MAD1L1: variants seen among roughly 807,000 people sequenced by gnomAD.
MAD1L1 encodes mitotic spindle assembly checkpoint protein MAD1.
A neutral mutation model predicts 96.9 loss-of-function variants in MAD1L1; 95 were observed. The ratio of observed to expected loss-of-function variants is 0.98; its 90% CI spans 0.83 to 1.16. The LOEUF (loss-of-function observed/expected upper bound fraction) is 1.16, where lower values mean the gene tolerates loss of function less well. Ranked by LOEUF, MAD1L1 falls within the 50% of genes most tolerant of loss-of-function variation. The pLI is 0.00. For synonymous variants in MAD1L1, 473 were observed against 396.6 expected (o/e 1.19, Z -2.29); for missense variants, 1,007 against 954.4 (o/e 1.06, Z -0.73).
At chr7:2,174,053 C>T (rs1790836333) in intron 10 of MAD1L1, among the ~76,000 whole-genome samples, 2 of 152,196 alleles carry the variant, frequency 1.3e-5, no homozygotes, top group Non-Finnish European at 1.5e-5. Context: ...CTCCTGCGCT[C>T]AAGTGATCCT....
chr7:2,076,609 G>C (rs997474855), intron 11 of MAD1L1, among the ~76,000 whole-genome samples: 14 of 152,216 alleles, frequency 9.2e-5, no homozygotes, highest in Non-Finnish European at 8.8e-5. Context: ...CTTCCGGGCT[G>C]ATGACTGCCC....
At chr7:2,117,356 CACAA>C (rs1355836242) in intron 11 of MAD1L1, among the ~76,000 whole-genome samples, 1 of 152,216 alleles carries the variant, frequency 6.6e-6, no homozygotes, top group Non-Finnish European at 1.5e-5. Flanking sequence ...GGGAGAAACC[CACAA>C]ACAGAGGCCA....
chr7:1,821,397 C>T (rs1782118728), intron 18 of MAD1L1, among the ~76,000 whole-genome samples: 1 of 152,112 alleles, frequency 6.6e-6, no homozygotes. Context: ...ACCAATTTTA[C>T]ACAATCCTTT....
intron 18 of MAD1L1, among the ~76,000 whole-genome samples, chr7:1,881,349 C>CA (rs970039064): frequency 2.0e-5 from 3 of 152,018 alleles, no homozygotes; most frequent in Non-Finnish European, 4.4e-5. Flanking sequence ...TGATTTTTCA[C>CA]AAAAAAATTT....
intron 11 of MAD1L1, among the ~76,000 whole-genome samples, chr7:2,125,872 A>G (rs920306729): frequency 2.2e-5 from 3 of 138,380 alleles, no homozygotes; most frequent in Non-Finnish European, 4.9e-5. Context: ...CCTGAAAGTC[A>G]GCTTACGCGT....
At chr7:2,073,611 G>A (rs1315964724) in intron 11 of MAD1L1, among the ~76,000 whole-genome samples, 1 of 152,054 alleles carries the variant, frequency 6.6e-6, no homozygotes, top group Non-Finnish European at 1.5e-5. Context: ...GTCAAGCATC[G>A]AGCAGCTGAA....
chr7:1,898,176 A>G (rs1443054767), intron 18 of MAD1L1, 24 bp downstream of exon 18: 1 of 1,582,132 alleles, frequency 6.3e-7, no homozygotes, highest in East Asian at 2.3e-5. Context: ...AGACAGCCGG[A>G]GAGCCGTCAC....
rs896550657 is a variant in MAD1L1 at position 2,132,611 on chromosome 7, T to C, written c.1073+16541A>G. 2.0e-5 allele frequency among the ~76,000 whole-genome samples: 3 copies of C among 152,240 alleles called. No homozygotes were observed. The South Asian group carries it at 6.2e-4, about 32-fold the overall frequency. Reference sequence around the variant, plus strand: ...TTTTACTGTGTCCACAGTTCTGCCTTTTCCAGAATACCACGGAGGAGAAAT... The same window carrying C: ...TTTTACTGTGTCCACAGTTCTGCCTCTTCCAGAATACCACGGAGGAGAAAT... On this transcript the variant is annotated intron_variant, in intron 11 of 18. Transcript: ENST00000265854.
At chr7:1,851,135 C>T (rs908449658) in intron 18 of MAD1L1, among the ~76,000 whole-genome samples, 19 of 152,230 alleles carry the variant, frequency 1.2e-4, no homozygotes, top group Admixed American at 1.2e-3. Context: ...TGTGGCCCTC[C>T]CAGCCCAACT....
At chr7:1,832,619 T>G (rs1397795223) in intron 18 of MAD1L1, among the ~76,000 whole-genome samples, 1 of 31,950 alleles carries the variant, frequency 3.1e-5, no homozygotes, top group South Asian at 1.8e-3. Flanking sequence ...ATTGCTGTGT[T>G]TTTTTTTTTT....
chr7:2,060,578 C>A (rs535088185), intron 12 of MAD1L1, among the ~76,000 whole-genome samples: 1 of 152,056 alleles, frequency 6.6e-6, no homozygotes, highest in Non-Finnish European at 1.5e-5. Context: ...CAGGGAAACA[C>A]TGGAAGGAGG....
rs73291566 is a variant in MAD1L1, at chr7:2,230,584, C to A, written c.-46G>T. 2,474 of 164,480 alleles carry A rather than the reference C, an allele frequency of 0.015. 65 individuals carry two copies. The highest frequency in any genetic ancestry group is 0.056 in the African/African-American group (2,339 of 42,034). The allele number at this position is 164,480 out of a possible 1,614,324, so 10.2% of individuals were successfully genotyped here. A position where few individuals can be genotyped will look rare whatever the true frequency, so the allele number is the denominator to read the frequency against. ...AGACTGTCCCACAACAGGCCGTCTGCAAGTTGGAGCCCTGGAAGCCTGGCA... is the reference window on the plus strand; with the variant it reads ...AGACTGTCCCACAACAGGCCGTCTGAAAGTTGGAGCCCTGGAAGCCTGGCA... On this transcript the variant is annotated 5_prime_UTR_variant, in exon 2 of 19. Coordinates refer to ENST00000265854, the MANE Select transcript of MAD1L1 (RefSeq NM_001013836.2).
intron 17 of MAD1L1, among the ~76,000 whole-genome samples, chr7:1,923,462 C>CCCGGGCAA (rs1788912548): frequency 1.0e-5 from 1 of 97,252 alleles, no homozygotes; most frequent in Non-Finnish European, 2.5e-5. Context: ...CACCCTGGCA[C>CCCGGGCAA]CCCCGCGCTC....
intron 17 of MAD1L1, among the ~76,000 whole-genome samples, chr7:1,902,072 G>A (rs777297817): frequency 4.4e-4 from 67 of 152,274 alleles, no homozygotes; most frequent in Middle Eastern, 3.4e-3. Context: ...ATGCAGCGGC[G>A]GCTGCCCAGG....
chr7:1,847,362 C>T (rs538707334), intron 18 of MAD1L1: 4 of 471,016 alleles, frequency 8.5e-6, no homozygotes, highest in Non-Finnish European at 1.8e-5. Flanking sequence ...TACCACGGGG[C>T]GGACCAGGGT....
chr7:2,098,280 T>C (rs1297151621), intron 11 of MAD1L1, among the ~76,000 whole-genome samples: 1 of 152,188 alleles, frequency 6.6e-6, no homozygotes, highest in Non-Finnish European at 1.5e-5. Flanking sequence ...ACCAGGCCTC[T>C]GCGCAGAAGG....
intron 12 of MAD1L1, among the ~76,000 whole-genome samples, chr7:2,035,326 G>C (rs1165840374): frequency 7.1e-6 from 1 of 140,456 alleles, no homozygotes; most frequent in Non-Finnish European, 1.5e-5. Context: ...GCACTGACAA[G>C]TCGGGACAGA....
At chr7:2,163,000 T>G (rs904556548) in intron 10 of MAD1L1, among the ~76,000 whole-genome samples, 1 of 152,242 alleles carries the variant, frequency 6.6e-6, no homozygotes, top group Non-Finnish European at 1.5e-5. Flanking sequence ...TTTCACTATT[T>G]GCTTTATTCA....
chr7:1,875,787 G>A (rs7791637), intron 18 of MAD1L1, among the ~76,000 whole-genome samples: 37,190 of 152,160 alleles, frequency 0.24, 4,823 homozygotes, highest in African/African-American at 0.32. Flanking sequence ...GCTGAACTGT[G>A]TCCCCCAAAT....
Sources: gnomAD v4.1 joint callset for allele counts (sites outside exome capture counted in the v4.1 genomes callset) on GRCh38, gnomAD v4.1.1 for gene constraint, MANE v1.5 for transcripts, NCBI Gene and HGNC (gene_info 2026-07-23, HGNC 2026-07-21) for gene names.